HECW2: variants seen among roughly 807,000 people sequenced by gnomAD.
The protein encoded by HECW2 is E3 ubiquitin-protein ligase HECW2.
In HECW2, 61 loss-of-function variants were observed where a neutral mutation model predicts 175.2. That is an observed-to-expected ratio of 0.35 (90% CI 0.28 to 0.43). The LOEUF is 0.43. HECW2 is among the 20% of genes least tolerant of loss of function. The pLI, the probability that HECW2 is intolerant of heterozygous loss-of-function variation, is 1.00. For missense variants in HECW2, 1,524 were observed against 2,000.5 expected (o/e 0.76, Z 4.54); for synonymous variants, 671 against 731.0 (o/e 0.92, Z 1.32).
At chr2:196,454,493 C>T (rs1425151590) in intron 1 of HECW2, among the ~76,000 whole-genome samples, 1 of 152,166 alleles carries the variant, frequency 6.6e-6, no homozygotes, top group Non-Finnish European at 1.5e-5. Flanking sequence ...GCTGTAAACA[C>T]ACCCTCACAT....
At chr2:196,366,277 T>G (rs1294756105) in intron 2 of HECW2, among the ~76,000 whole-genome samples, 1 of 152,228 alleles carries the variant, frequency 6.6e-6, no homozygotes, top group Non-Finnish European at 1.5e-5. Flanking sequence ...GACTTGTTAC[T>G]TTCTTAAAGT....
At chr2:196,445,334 G>C (rs992499800) in intron 1 of HECW2, among the ~76,000 whole-genome samples, 3 of 152,104 alleles carry the variant, frequency 2.0e-5, no homozygotes, top group African/African-American at 7.2e-5. Context: ...GTTTATTTTT[G>C]AGTTACAAAG....
chr2:196,538,732 C>T (rs1228427135), intron 1 of HECW2, among the ~76,000 whole-genome samples: 2 of 152,078 alleles, frequency 1.3e-5, no homozygotes, highest in Non-Finnish European at 2.9e-5. Flanking sequence ...TGCTTTTGCT[C>T]GTATAAGTTT....
chr2:196,522,157 T>A (rs1294781947), intron 1 of HECW2, among the ~76,000 whole-genome samples: 1 of 152,060 alleles, frequency 6.6e-6, no homozygotes, highest in Non-Finnish European at 1.5e-5. Flanking sequence ...GTTTCCTGAC[T>A]TTTTAATGAT....
intron 7 of HECW2, among the ~76,000 whole-genome samples, chr2:196,321,015 C>A (rs994401590): frequency 1.5e-4 from 23 of 152,358 alleles, no homozygotes; most frequent in African/African-American, 5.1e-4. Flanking sequence ...GCCAAGACAG[C>A]AGCCCTGGCT....
chr2:196,546,052 C>A (rs904140138), intron 1 of HECW2, among the ~76,000 whole-genome samples: 2 of 152,084 alleles, frequency 1.3e-5, no homozygotes, highest in African/African-American at 4.8e-5. Context: ...TTCTTTAAAC[C>A]CACATTATTT....
At position 196,542,265 on chromosome 2, in the gene HECW2, G is replaced by GA. The variant is rs1181642124; in HGVS notation, c.-36+51242dup. ...GGCGACAGAGTGAGACTCTGTCTCA[G>GA]AAAAAAAAAAAAAAAAAGACAAAGG... On this transcript the variant is annotated intron_variant, in intron 1 of 28. Coordinates refer to ENST00000644978, the MANE Select transcript of HECW2 (RefSeq NM_001348768.2). Among the ~76,000 whole-genome samples the GA allele has an allele frequency of 7.4e-3, 687 of 92,266 alleles. 3 individuals are homozygous for GA. The highest frequency in any genetic ancestry group is 0.012 in the Non-Finnish European group (478 of 40,588). The allele number at this position is 92,266 out of a possible 152,430, so 60.5% of individuals were successfully genotyped here.
chr2:196,395,715 T>TTTTA (rs1553512650), intron 2 of HECW2, among the ~76,000 whole-genome samples: 30 of 150,166 alleles, frequency 2.0e-4, no homozygotes, highest in African/African-American at 6.6e-4. Context: ...TTTTTTTTTT[T>TTTTA]AAAAAAAGAA....
chr2:196,234,301 ACAGGGTGACAGGGTTTTGCTCTGTCACC>A (rs1688161303), intron 21 of HECW2, among the ~76,000 whole-genome samples: 1 of 150,940 alleles, frequency 6.6e-6, no homozygotes, highest in Admixed American at 6.6e-5. Context: ...TTTTAAAGAG[ACAGGGTGACAGGGTTTTGCTCTGTCACC>A]CAGGCTGGAG....
intron 15 of HECW2, among the ~76,000 whole-genome samples, chr2:196,276,759 G>A (rs1575342365): frequency 6.6e-6 from 1 of 152,246 alleles, no homozygotes; most frequent in Non-Finnish European, 1.5e-5. Context: ...TAATATATTT[G>A]TATATCATTT....
At chr2:196,341,730 C>A (rs1692758753) in intron 3 of HECW2, among the ~76,000 whole-genome samples, 1 of 152,136 alleles carries the variant, frequency 6.6e-6, no homozygotes, top group Admixed American at 6.5e-5. Context: ...AAGAGAGAAT[C>A]CAGTCAGAAA....
chr2:196,220,968 C>G, intron 24 of HECW2, 27 bp from the exon 25 acceptor site: 1 of 1,611,262 alleles, frequency 6.2e-7, no homozygotes, highest in East Asian at 2.2e-5. Context: ...AAAAGAATGA[C>G]TACAAAGCAA....
At chr2:196,361,879 A>G (rs1315194584) in intron 2 of HECW2, 1 of 985,136 alleles carries the variant, frequency 1.0e-6, no homozygotes, top group African/African-American at 1.7e-5. Flanking sequence ...AAGAAGAAAC[A>G]TGGCATTCTT....
intron 2 of HECW2, among the ~76,000 whole-genome samples, chr2:196,415,578 C>T (rs1234097710): frequency 7.0e-6 from 1 of 143,086 alleles, no homozygotes; most frequent in Non-Finnish European, 1.5e-5. Flanking sequence ...TTCCTGCTAC[C>T]AATGTGCACG....
chr2:196,576,453 T>C (rs1690565283), intron 1 of HECW2, among the ~76,000 whole-genome samples: 1 of 152,148 alleles, frequency 6.6e-6, no homozygotes, highest in South Asian at 2.1e-4. Context: ...CTAAGTGAAA[T>C]AGTCCAGAAA....
At chr2:196,283,797 A>AAGTAAAATCAGAAACCACCATTATATGT (rs1285011090) in intron 14 of HECW2, among the ~76,000 whole-genome samples, 17 of 152,212 alleles carry the variant, frequency 1.1e-4, no homozygotes, top group Non-Finnish European at 1.8e-4. Context: ...GTCTCTCTAA[A>AAGTAAAATCAGAAACCACCATTATATGT]AGTAAAATCA....
At chr2:196,299,296 G>A (rs1690939820) in intron 13 of HECW2, among the ~76,000 whole-genome samples, 1 of 144,894 alleles carries the variant, frequency 6.9e-6, no homozygotes, top group South Asian at 2.2e-4. Flanking sequence ...AAAGAAAAAG[G>A]AAACACGATA....
At chr2:196,305,566 A>G (rs1691228890) in intron 13 of HECW2, among the ~76,000 whole-genome samples, 1 of 152,114 alleles carries the variant, frequency 6.6e-6, no homozygotes, top group Admixed American at 6.5e-5. Flanking sequence ...GTCTTGTTAA[A>G]TTCAATATGT....
Position 196,534,984 on chromosome 2 carries a change from G to A in HECW2, c.-36+58524C>T, listed in dbSNP as rs114920299. On this transcript the variant is annotated intron_variant, in intron 1 of 28. Coordinates refer to ENST00000644978, the MANE Select transcript of HECW2 (RefSeq NM_001348768.2). Reference sequence around the variant, plus strand: ...GTGGCTAACTCCCCAACTAATCTATGTCCCCTTCAGTCTATACCAATTTGC... The same window carrying A: ...GTGGCTAACTCCCCAACTAATCTATATCCCCTTCAGTCTATACCAATTTGC... 1.1e-3 allele frequency among the ~76,000 whole-genome samples: 161 copies of A among 151,384 alleles called. 1 individual carries two copies. Among genetic ancestry groups the A allele is most frequent in the African/African-American group, 3.7e-3 (153 of 41,226 alleles).
Sources: gnomAD v4.1 joint callset for allele counts (sites outside exome capture counted in the v4.1 genomes callset) on GRCh38, gnomAD v4.1.1 for gene constraint, MANE v1.5 for transcripts, NCBI Gene and HGNC (gene_info 2026-07-23, HGNC 2026-07-21) for gene names.